Variants in SLCO1B1 observed in about 807,000 individuals in gnomAD.
SLCO1B1 encodes solute carrier organic anion transporter family member 1B1.
In SLCO1B1, 81 loss-of-function variants were observed where a neutral mutation model predicts 70.1. The ratio of observed to expected loss-of-function variants is 1.16; its 90% CI spans 0.97 to 1.39. The LOEUF (loss-of-function observed/expected upper bound fraction) is 1.39, where lower values mean the gene tolerates loss of function less well. Among genes scored for constraint, SLCO1B1 ranks in the 40% most tolerant of loss-of-function variants. The probability of loss-of-function intolerance (pLI) is 0.00; values close to 1 mark genes in which losing one functional copy is unlikely to be tolerated. For missense variants in SLCO1B1, 895 were observed against 799.6 expected (o/e 1.12, Z -1.44); for synonymous variants, 283 against 271.5 (o/e 1.04, Z -0.42).
rs538281290 is a variant in SLCO1B1 at position 21,214,321 on chromosome 12, G to C, written c.1498-2798G>C. 4.3e-4 allele frequency among the ~76,000 whole-genome samples: 65 copies of C among 151,252 alleles called. 1 individual carries two copies. In the South Asian group the frequency reaches 0.013, roughly 30 times the overall value. ...TGCAGGTCTGTTGGAATACCCTGCC[G>C]TGTGAGGTGTCAGTGTGCCCCTGCT... On this transcript the variant is annotated intron_variant, in intron 11 of 14. Coordinates refer to ENST00000256958, the MANE Select transcript of SLCO1B1 (RefSeq NM_006446.5).
intron 2 of SLCO1B1, among the ~76,000 whole-genome samples, chr12:21,144,059 C>T (rs1940349667): frequency 6.6e-6 from 1 of 152,034 alleles, no homozygotes; most frequent in Admixed American, 6.6e-5. Flanking sequence ...ACTGAACTAA[C>T]TACATTACAT....
chr12:21,131,817 A>G (rs749988658), intron 1 of SLCO1B1, among the ~76,000 whole-genome samples: 58 of 152,052 alleles, frequency 3.8e-4, no homozygotes, highest in Admixed American at 8.5e-4. Context: ...AAGTCTTCTC[A>G]GTACAGTTTT....
At chr12:21,214,819 C>T (rs150897358) in intron 11 of SLCO1B1, among the ~76,000 whole-genome samples, 5 of 152,128 alleles carry the variant, frequency 3.3e-5, no homozygotes, top group Non-Finnish European at 5.9e-5. Context: ...GGGAGTGACC[C>T]GATTTTCCAG....
chr12:21,190,198 G>A (rs1941013124), intron 7 of SLCO1B1, among the ~76,000 whole-genome samples: 1 of 152,212 alleles, frequency 6.6e-6, no homozygotes, highest in African/African-American at 2.4e-5. Context: ...GTCTACCCAT[G>A]TTGTCCAGAA....
chr12:21,176,654 G>C (rs777416106), intron 4 of SLCO1B1, 122 bp from the exon 5 acceptor site: 1 of 760,654 alleles, frequency 1.3e-6, no homozygotes, highest in Non-Finnish European at 2.3e-6. Flanking sequence ...TTGACAGAAA[G>C]TACTCTGGTA....
At chr12:21,148,823 A>G (rs1236162552) in intron 2 of SLCO1B1, among the ~76,000 whole-genome samples, 1 of 151,008 alleles carries the variant, frequency 6.6e-6, no homozygotes, top group Non-Finnish European at 1.5e-5. Flanking sequence ...CAGTATGGCC[A>G]TTTTTACAAT....
At chr12:21,207,693 G>GT (rs1372895178) in intron 11 of SLCO1B1, among the ~76,000 whole-genome samples, 6 of 151,924 alleles carry the variant, frequency 3.9e-5, no homozygotes, top group Non-Finnish European at 5.9e-5. Flanking sequence ...TGGTAGTTCT[G>GT]TTTAAGTTCT....
intron 7 of SLCO1B1, among the ~76,000 whole-genome samples, chr12:21,191,225 G>T (rs1941025750): frequency 6.7e-6 from 1 of 148,710 alleles, no homozygotes; most frequent in African/African-American, 2.5e-5. Flanking sequence ...ATATATTTGG[G>T]TAGTATGGAC....
At chr12:21,238,907 C>G in intron 14 of SLCO1B1, 72 bp from the exon 15 acceptor site, 2 of 876,588 alleles carry the variant, frequency 2.3e-6, no homozygotes, top group Non-Finnish European at 3.7e-6. Flanking sequence ...GATCTGGATA[C>G]TGGAGAAAAT....
intron 2 of SLCO1B1, among the ~76,000 whole-genome samples, chr12:21,162,054 A>G (rs938174551): frequency 2.0e-5 from 3 of 151,622 alleles, no homozygotes; most frequent in African/African-American, 7.2e-5. Context: ...TATTATAAAT[A>G]AACTAAAATT....
intron 11 of SLCO1B1, among the ~76,000 whole-genome samples, chr12:21,211,216 T>A (rs1396911960): frequency 1.3e-5 from 2 of 152,192 alleles, no homozygotes; most frequent in African/African-American, 4.8e-5. Context: ...ATAGCTCTTA[T>A]TATTTTGAAA....
chr12:21,133,647 G>A (rs1940173845), intron 1 of SLCO1B1, among the ~76,000 whole-genome samples: 2 of 152,118 alleles, frequency 1.3e-5, no homozygotes, highest in South Asian at 4.1e-4. Flanking sequence ...TGTTATTGGT[G>A]TATAAGAATG....
rs553889889 is a variant in SLCO1B1 at position 21,135,630 on chromosome 12, T to A, written c.-62+4394T>A. Among the ~76,000 whole-genome samples, 9 of 152,294 alleles carry A rather than the reference T, an allele frequency of 5.9e-5. No individual in the cohort carries two copies. In the South Asian group the frequency reaches 1.0e-3, roughly 18 times the overall value. The stretch of plus-strand genomic sequence containing the variant: ...TTTTGATCTTTGTTGGTATAAAGTC[T>A]GTTTTATCAGAGACTAGGATTGCAA... On this transcript the variant is annotated intron_variant, in intron 1 of 14. Coordinates refer to ENST00000256958, the MANE Select transcript of SLCO1B1 (RefSeq NM_006446.5).
At chr12:21,134,631 A>G (rs941131172) in intron 1 of SLCO1B1, among the ~76,000 whole-genome samples, 66 of 152,220 alleles carry the variant, frequency 4.3e-4, no homozygotes, top group African/African-American at 1.6e-3. Flanking sequence ...AGAGGTGTTT[A>G]TAGTATTCTC....
intron 12 of SLCO1B1, among the ~76,000 whole-genome samples, chr12:21,221,152 G>A (rs1026589870): frequency 1.4e-4 from 22 of 152,022 alleles, no homozygotes; most frequent in Admixed American, 1.4e-3. Flanking sequence ...GGGCATCAAA[G>A]GAACATACCT....
At chr12:21,178,779 A>G in intron 6 of SLCO1B1, 57 bp downstream of exon 6, 1 of 1,493,852 alleles carries the variant, frequency 6.7e-7, no homozygotes, top group Non-Finnish European at 9.3e-7. Context: ...TACTTTTGAA[A>G]TAGTAGAGTT....
chr12:21,163,076 T>G (rs1351196400), intron 2 of SLCO1B1, among the ~76,000 whole-genome samples: 2 of 152,278 alleles, frequency 1.3e-5, no homozygotes. Context: ...ACAATATACA[T>G]CATAGAAAGG....
chr12:21,138,209 A>G (rs1023105030), intron 1 of SLCO1B1, among the ~76,000 whole-genome samples: 2 of 152,134 alleles, frequency 1.3e-5, no homozygotes, highest in African/African-American at 2.4e-5. Context: ...CACTTTGCCT[A>G]AACCGGTTTT....
At chr12:21,184,454 C>T (rs1370323339) in intron 7 of SLCO1B1, among the ~76,000 whole-genome samples, 1 of 152,062 alleles carries the variant, frequency 6.6e-6, no homozygotes, top group Non-Finnish European at 1.5e-5. Context: ...AGATTGGGGA[C>T]CTATTTTCAG....
Sources: allele counts gnomAD v4.1 joint callset (sites outside exome capture counted in the v4.1 genomes callset), GRCh38; gene constraint gnomAD v4.1.1; transcripts MANE v1.5; gene names NCBI Gene and HGNC (gene_info 2026-07-23, HGNC 2026-07-21).